The following ZNF831 variants were observed in gnomAD, a reference collection of about 807,000 sequenced individuals.
ZNF831 encodes the protein chromosome 20 open reading frame 174.
A neutral mutation model predicts 95.8 loss-of-function variants in ZNF831; 59 were observed. The observed-to-expected ratio is 0.62, with a 90% CI of 0.50 to 0.77. The LOEUF (loss-of-function observed/expected upper bound fraction) is 0.77. ZNF831 is among the 30% of genes least tolerant of loss of function. ZNF831 has a pLI of 0.00. For synonymous variants in ZNF831, 961 were observed against 925.5 expected, an observed-to-expected ratio of 1.04 and a Z score of -0.70; for missense variants, 2,205 against 2,164.0, an observed-to-expected ratio of 1.02 and a Z score of -0.38.
intron 1 of ZNF831, among the ~76,000 whole-genome samples, chr20:59,186,029 C>T (rs974916156): frequency 6.6e-6 from 1 of 152,198 alleles, no homozygotes. Flanking sequence ...TGCATTCATG[C>T]GTGCAGCTGG....
intron 4 of ZNF831, among the ~76,000 whole-genome samples, chr20:59,250,143 G>C (rs1245326598): frequency 6.6e-6 from 1 of 152,184 alleles, no homozygotes; most frequent in African/African-American, 2.4e-5. Context: ...CTCACCCTTG[G>C]AGAAGACTAG....
intron 4 of ZNF831, among the ~76,000 whole-genome samples, chr20:59,239,835 G>A (rs183475432): frequency 4.6e-5 from 7 of 152,300 alleles, no homozygotes; most frequent in East Asian, 3.9e-4. Context: ...GTGAGCCACC[G>A]CACCCGGCCA....
chr20:59,218,284 C>CT (rs945375169), intron 4 of ZNF831, among the ~76,000 whole-genome samples: 4 of 152,266 alleles, frequency 2.6e-5, no homozygotes, highest in African/African-American at 9.6e-5. Context: ...AGCAGTGTTT[C>CT]TTTTTTCAAG....
chr20:59,132,583 CAG>C (rs1030280772), intron 1 of ZNF831, among the ~76,000 whole-genome samples: 28 of 152,194 alleles, frequency 1.8e-4, no homozygotes, highest in African/African-American at 6.8e-4. Context: ...TTTTGATGAT[CAG>C]AGAGGTGAAG....
intron 4 of ZNF831, among the ~76,000 whole-genome samples, chr20:59,237,142 T>A (rs1420755382): frequency 6.6e-6 from 1 of 152,200 alleles, no homozygotes; most frequent in African/African-American, 2.4e-5. Context: ...CTATACCTAA[T>A]AAGCCTTTCC....
At chr20:59,124,610 G>A (rs538315776) in intron 1 of ZNF831, among the ~76,000 whole-genome samples, 11 of 152,338 alleles carry the variant, frequency 7.2e-5, no homozygotes, top group Admixed American at 1.3e-4. Context: ...GTCCAGGATC[G>A]TTGCTGTCTG....
intron 1 of ZNF831, among the ~76,000 whole-genome samples, chr20:59,182,449 A>G (rs1982694425): frequency 6.6e-6 from 1 of 152,122 alleles, no homozygotes; most frequent in Non-Finnish European, 1.5e-5. Flanking sequence ...CTTCACAGGG[A>G]GGGGGTAAGT....
At chr20:59,246,953 C>A (rs1016915801) in intron 4 of ZNF831, among the ~76,000 whole-genome samples, 1 of 152,198 alleles carries the variant, frequency 6.6e-6, no homozygotes, top group African/African-American at 2.4e-5. Flanking sequence ...CATTGACATC[C>A]AACGTCTCCC....
At chr20:59,230,893 C>G (rs375678758) in intron 4 of ZNF831, among the ~76,000 whole-genome samples, 7 of 152,212 alleles carry the variant, frequency 4.6e-5, no homozygotes, top group Middle Eastern at 3.2e-3. Flanking sequence ...GTTTCTCTCA[C>G]AAATAACCAC....
chr20:59,159,298 C>T (rs1980713663), upstream of ZNF831, among the ~76,000 whole-genome samples: 2 of 152,026 alleles, frequency 1.3e-5, no homozygotes, highest in Non-Finnish European at 1.5e-5. Context: ...CAACAGCGCC[C>T]CTCTCCCTGT....
At chr20:59,143,451 A>G (rs1051446485) in intron 1 of ZNF831, among the ~76,000 whole-genome samples, 7 of 152,194 alleles carry the variant, frequency 4.6e-5, no homozygotes, top group Non-Finnish European at 1.0e-4. Context: ...TTGGAAGAAC[A>G]GTGAGCTGTG....
At position 59,254,171 on chromosome 20, in the gene ZNF831, A is replaced by T. The variant is rs1600694655; in HGVS notation, c.4462A>T (p.Thr1488Ser). ...KGTFPHHDIA[T>S]SVAAVCISLP... is the part of the protein sequence containing the mutation. Reference sequence around the variant, plus strand: ...AACTTTTCCCCACCATGACATTGCTACCTCTGTGGCTGCCGTTTGTATTTC... The same window carrying T: ...AACTTTTCCCCACCATGACATTGCTTCCTCTGTGGCTGCCGTTTGTATTTC... The change falls in exon 6 of 6, where the codon ACC becomes TCC. Residue 1488 changes from threonine (T) to serine (S), a missense_variant. Coordinates refer to ENST00000371030, the MANE Select transcript of ZNF831 (RefSeq NM_178457.3). The surrounding 1 kb of genome is among the most constrained non-coding windows in gnomAD (Gnocchi z 4.5). The T allele has an allele frequency of 6.8e-6, 11 of 1,613,760 alleles. No homozygotes were observed. Among genetic ancestry groups the T allele is most frequent in the Middle Eastern group, 1.6e-4 (1 of 6,062 alleles).
intron 1 of ZNF831, among the ~76,000 whole-genome samples, chr20:59,124,884 G>C (rs1979121135): frequency 6.6e-6 from 1 of 152,188 alleles, no homozygotes; most frequent in African/African-American, 2.4e-5. Context: ...GTGTGTTCAG[G>C]ATGAGGATCC....
intron 3 of ZNF831, among the ~76,000 whole-genome samples, chr20:59,201,519 T>C (rs1173628402): frequency 1.3e-5 from 2 of 152,234 alleles, no homozygotes; most frequent in African/African-American, 4.8e-5. Flanking sequence ...ATGTTTTTAG[T>C]GTCATAGTTT....
intron 3 of ZNF831, among the ~76,000 whole-genome samples, chr20:59,199,129 ATCT>A (rs1984351430): frequency 8.7e-6 from 1 of 114,446 alleles, no homozygotes; most frequent in Non-Finnish European, 1.7e-5. Flanking sequence ...CTATCTATCT[ATCT>A]ATCACGTAAC....
At chr20:59,171,893 T>C (rs1981767647) in intron 1 of ZNF831, among the ~76,000 whole-genome samples, 1 of 152,218 alleles carries the variant, frequency 6.6e-6, no homozygotes, top group African/African-American at 2.4e-5. Context: ...GAATATCTAC[T>C]AACTCCTGAA....
chr20:59,158,905 G>A (rs1342309535), upstream of ZNF831, among the ~76,000 whole-genome samples: 1 of 152,094 alleles, frequency 6.6e-6, no homozygotes, highest in Non-Finnish European at 1.5e-5. Flanking sequence ...ACGCAGGTGG[G>A]TACATTCCTA....
Position 59,256,445 on chromosome 20 carries a change from G to A in ZNF831, c.*1702G>A, listed in dbSNP as rs914783528. On this transcript the variant is annotated 3_prime_UTR_variant, in exon 6 of 6. Coordinates refer to ENST00000371030, the MANE Select transcript of ZNF831 (RefSeq NM_178457.3). Reference sequence around the variant, plus strand: ...CGATGTGGTGATTATCTCCCTTTTCGAAGGATTCATGCCACTGTAATGAGA... The same window carrying A: ...CGATGTGGTGATTATCTCCCTTTTCAAAGGATTCATGCCACTGTAATGAGA... The A allele has an allele frequency of 2.0e-5, 3 of 152,136 alleles. No homozygotes were observed. The highest frequency in any genetic ancestry group is 1.3e-4 in the Admixed American group (2 of 15,268). 9.4% of individuals were successfully genotyped at this position (152,136 alleles called of 1,614,324 possible). A position where few individuals can be genotyped will look rare whatever the true frequency, so the allele number is the denominator to read the frequency against.
rs1043661980 is a variant in ZNF831, at chr20:59,166,528, C to T, written c.-37+2321C>T. Among the ~76,000 whole-genome samples the T allele has an allele frequency of 3.3e-5, 5 of 152,226 alleles. No individual in the cohort carries two copies. The South Asian group carries it at 6.2e-4, about 19-fold the overall frequency. On this transcript the variant is annotated intron_variant, in intron 1 of 5. Coordinates refer to ENST00000371030, the MANE Select transcript of ZNF831 (RefSeq NM_178457.3). ...TCAAGATACAGAACATTTCTGTCAC[C>T]GCAAGGATGCGTCGTGGACACCCCA...
Sources: gnomAD v4.1 joint callset for allele counts (sites outside exome capture counted in the v4.1 genomes callset) on GRCh38, gnomAD v4.1.1 for gene constraint, Gnocchi (gnomAD v3.1) non-coding constraint, MANE v1.5 for transcripts, NCBI Gene and HGNC (gene_info 2026-07-23, HGNC 2026-07-21) for gene names.